The following KCNJ3 variants were observed in gnomAD, a reference collection of about 807,000 sequenced individuals.
The protein encoded by KCNJ3 is G protein-activated inward rectifier potassium channel 1.
A neutral mutation model predicts 39.2 loss-of-function variants in KCNJ3; 4 were observed. The ratio of observed to expected loss-of-function variants is 0.10; its 90% CI spans 0.05 to 0.23. The LOEUF (loss-of-function observed/expected upper bound fraction) is 0.23, where lower values mean the gene tolerates loss of function less well. Ranked by LOEUF, KCNJ3 falls within the 10% of genes least tolerant of loss-of-function variation. KCNJ3 has a pLI of 1.00. For synonymous variants in KCNJ3, 230 were observed against 237.4 expected (o/e 0.97, Z 0.29); for missense variants, 276 against 634.9 (o/e 0.43, Z 6.08).
intron 2 of KCNJ3, among the ~76,000 whole-genome samples, chr2:154,721,152 A>G (rs746025758): frequency 2.6e-5 from 4 of 152,006 alleles, no homozygotes; most frequent in Non-Finnish European, 5.9e-5. Context: ...TTCAGTTAAG[A>G]TTTTTAATGT....
chr2:154,808,319 G>T (rs1008031084), intron 2 of KCNJ3, among the ~76,000 whole-genome samples: 1 of 151,832 alleles, frequency 6.6e-6, no homozygotes, highest in African/African-American at 2.4e-5. Context: ...GACCTCAGGT[G>T]ATCCACCTGC....
At chr2:154,763,812 C>G (rs1315335314) in intron 2 of KCNJ3, among the ~76,000 whole-genome samples, 2 of 152,098 alleles carry the variant, frequency 1.3e-5, no homozygotes, top group Non-Finnish European at 2.9e-5. Context: ...TTTTCTTTTT[C>G]TTAAAATGAA....
chr2:154,701,601 T>C (rs1684897705), intron 1 of KCNJ3, among the ~76,000 whole-genome samples: 1 of 152,084 alleles, frequency 6.6e-6, no homozygotes, highest in South Asian at 2.1e-4. Flanking sequence ...AAGAGTATCC[T>C]AGTTAAAAAG....
intron 2 of KCNJ3, among the ~76,000 whole-genome samples, chr2:154,726,792 T>TACACACACACACACAC (rs1421883511): frequency 3.0e-5 from 3 of 101,314 alleles, no homozygotes; most frequent in African/African-American, 1.2e-4. Flanking sequence ...ACATTTTATA[T>TACACACACACACACAC]ACATACACAC....
At chr2:154,826,296 T>A (rs1687271114) in intron 2 of KCNJ3, among the ~76,000 whole-genome samples, 1 of 152,204 alleles carries the variant, frequency 6.6e-6, no homozygotes, top group Non-Finnish European at 1.5e-5. Context: ...AAAGAGTGGT[T>A]CAGAATACAC....
intron 2 of KCNJ3, 66 bp from the exon 3 acceptor site, chr2:154,854,661 G>T: frequency 1.7e-6 from 2 of 1,208,572 alleles, no homozygotes; most frequent in South Asian, 1.5e-5. Flanking sequence ...AATTATTTAG[G>T]CCAAACCGGC....
intron 2 of KCNJ3, among the ~76,000 whole-genome samples, chr2:154,769,124 A>C (rs138711036): frequency 2.0e-5 from 3 of 152,254 alleles, no homozygotes; most frequent in Admixed American, 2.0e-4. Flanking sequence ...CAATCATGTC[A>C]TCTGCAAACA....
chr2:154,714,845 C>G (rs1188643410), intron 2 of KCNJ3, among the ~76,000 whole-genome samples: 1 of 152,110 alleles, frequency 6.6e-6, no homozygotes, highest in East Asian at 1.9e-4. Flanking sequence ...TGTATGGATA[C>G]TTATGTAATG....
chr2:154,735,273 T>A (rs2105170360), intron 2 of KCNJ3, among the ~76,000 whole-genome samples: 1 of 117,018 alleles, frequency 8.5e-6, no homozygotes, highest in Non-Finnish European at 1.9e-5. Context: ...TTTCTTTCTT[T>A]CTTTTTTTTT....
chr2:154,828,891 TTAAGTA>T (rs1373548887), intron 2 of KCNJ3, among the ~76,000 whole-genome samples: 15 of 152,300 alleles, frequency 9.8e-5, no homozygotes, highest in African/African-American at 3.6e-4. Flanking sequence ...ATTTAACCAA[TTAAGTA>T]TATCAAAAAT....
chr2:154,822,165 T>C (rs1477709873), intron 2 of KCNJ3, among the ~76,000 whole-genome samples: 1 of 152,152 alleles, frequency 6.6e-6, no homozygotes, highest in African/African-American at 2.4e-5. Flanking sequence ...AATAGTTTTG[T>C]AATATATTTT....
chr2:154,735,069 C>CTGTGTGTGTGTGTGTGTGTGTGTG (rs10632638), intron 2 of KCNJ3, among the ~76,000 whole-genome samples: 1,702 of 145,810 alleles, frequency 0.012, 29 homozygotes, highest in African/African-American at 0.029. Context: ...CCTTGTAGGC[C>CTGTGTGTGTGTGTGTGTGTGTGTG]TGTGTGTGTG....
At chr2:154,754,133 A>G (rs1685897672) in intron 2 of KCNJ3, among the ~76,000 whole-genome samples, 1 of 152,230 alleles carries the variant, frequency 6.6e-6, no homozygotes, top group African/African-American at 2.4e-5. Context: ...TTGTATCATG[A>G]ATAAATACTA....
At chr2:154,828,156 CT>C (rs1687301332) in intron 2 of KCNJ3, among the ~76,000 whole-genome samples, 1 of 152,154 alleles carries the variant, frequency 6.6e-6, no homozygotes, top group African/African-American at 2.4e-5. Flanking sequence ...AGAATTACTA[CT>C]ACTTACCTAT....
intron 2 of KCNJ3, among the ~76,000 whole-genome samples, chr2:154,745,132 T>C (rs1347338213): frequency 6.6e-6 from 1 of 151,992 alleles, no homozygotes; most frequent in African/African-American, 2.4e-5. Context: ...AGGCTTGTTC[T>C]ATGGTCCAGT....
At chr2:154,810,834 C>CAG (rs2105101378) in intron 2 of KCNJ3, among the ~76,000 whole-genome samples, 1 of 152,102 alleles carries the variant, frequency 6.6e-6, no homozygotes, top group South Asian at 2.1e-4. Context: ...TGGCTAAAGA[C>CAG]ATATCTAAAT....
At chr2:154,721,670 C>A (rs1213766770) in intron 2 of KCNJ3, among the ~76,000 whole-genome samples, 1 of 151,800 alleles carries the variant, frequency 6.6e-6, no homozygotes, top group African/African-American at 2.4e-5. Context: ...AAAAAAGGCA[C>A]ATTTATGATT....
chr2:154,842,849 G>T (rs1257386409), intron 2 of KCNJ3, among the ~76,000 whole-genome samples: 1 of 151,998 alleles, frequency 6.6e-6, no homozygotes, highest in Non-Finnish European at 1.5e-5. Context: ...CACGTGAGAT[G>T]GGTCTCAATA....
chr2:154,734,092 A>G (rs1330466884), intron 2 of KCNJ3, among the ~76,000 whole-genome samples: 1 of 152,200 alleles, frequency 6.6e-6, no homozygotes, highest in Non-Finnish European at 1.5e-5. Context: ...AGGGACCCTG[A>G]AGTTTAAATT....
Sources: gnomAD v4.1 joint callset for allele counts (sites outside exome capture counted in the v4.1 genomes callset) on GRCh38, gnomAD v4.1.1 for gene constraint, MANE v1.5 for transcripts, NCBI Gene and HGNC (gene_info 2026-07-23, HGNC 2026-07-21) for gene names.